MICU1: variants seen among roughly 807,000 people sequenced by gnomAD.
The protein encoded by MICU1 is calcium uptake protein 1, mitochondrial.
In MICU1, 45 loss-of-function variants were observed where a neutral mutation model predicts 56.8. That is an observed-to-expected ratio of 0.79 (90% CI 0.62 to 1.02). The LOEUF (loss-of-function observed/expected upper bound fraction) is 1.02. MICU1 is among the 50% of genes least tolerant of loss of function. The pLI is 0.00. For synonymous variants in MICU1, 186 were observed against 195.1 expected (o/e 0.95, Z 0.39); for missense variants, 504 against 587.1 (o/e 0.86, Z 1.46).
intron 8 of MICU1, among the ~76,000 whole-genome samples, chr10:72,441,065 A>T (rs1864907349): frequency 6.6e-6 from 1 of 152,190 alleles, no homozygotes; most frequent in African/African-American, 2.4e-5. Flanking sequence ...TACCCAAAGG[A>T]TTATAAATCA....
intron 10 of MICU1, among the ~76,000 whole-genome samples, chr10:72,398,447 G>C (rs936942417): frequency 6.7e-6 from 1 of 150,024 alleles, no homozygotes; most frequent in Non-Finnish European, 1.5e-5. Flanking sequence ...GATCAGAGCA[G>C]AACTGAAAGA....
intron 8 of MICU1, among the ~76,000 whole-genome samples, chr10:72,448,262 C>T (rs1657177542): frequency 7.0e-6 from 1 of 142,940 alleles, no homozygotes; most frequent in South Asian, 2.2e-4. Flanking sequence ...GCAACCTCCG[C>T]CTCCTGGTTC....
At chr10:72,554,506 A>G (rs1330015053) in intron 3 of MICU1, among the ~76,000 whole-genome samples, 1 of 152,226 alleles carries the variant, frequency 6.6e-6, no homozygotes, top group African/African-American at 2.4e-5. Context: ...AGGCTCTAGG[A>G]AACTTTATGG....
intron 6 of MICU1, among the ~76,000 whole-genome samples, chr10:72,494,282 C>G (rs1866763669): frequency 6.6e-6 from 1 of 152,120 alleles, no homozygotes; most frequent in Non-Finnish European, 1.5e-5. Context: ...GGTCCATAGA[C>G]AGTCAAAGGG....
intron 10 of MICU1, chr10:72,379,448 T>G: frequency 3.4e-6 from 1 of 292,700 alleles, no homozygotes; most frequent in Non-Finnish European, 7.0e-6. Context: ...TTCCTTTTTC[T>G]GCATTTCACA....
intron 8 of MICU1, among the ~76,000 whole-genome samples, chr10:72,428,377 G>A (rs992634450): frequency 1.4e-4 from 22 of 152,134 alleles, no homozygotes; most frequent in Non-Finnish European, 2.4e-4. Context: ...GTGCAATGGC[G>A]CGATCTCCAC....
At chr10:72,432,079 T>C (rs1346229115) in intron 8 of MICU1, among the ~76,000 whole-genome samples, 2 of 147,822 alleles carry the variant, frequency 1.4e-5, no homozygotes, top group East Asian at 1.9e-4. Context: ...TTTTTGTTAA[T>C]GTATTGCCTT....
chr10:72,586,067 T>G (rs1037763222), intron 1 of MICU1, among the ~76,000 whole-genome samples: 3 of 129,742 alleles, frequency 2.3e-5, no homozygotes, highest in African/African-American at 8.7e-5. Flanking sequence ...TGGGCTGGAG[T>G]GCAATGGCAT....
chr10:72,555,041 C>A (rs559488340), intron 3 of MICU1, among the ~76,000 whole-genome samples: 9 of 151,826 alleles, frequency 5.9e-5, no homozygotes, highest in African/African-American at 1.9e-4. Context: ...TACAAAAAAA[C>A]CCAAAACAAA....
chr10:72,476,403 T>A (rs1248020980), intron 7 of MICU1, among the ~76,000 whole-genome samples: 1 of 151,836 alleles, frequency 6.6e-6, no homozygotes, highest in Non-Finnish European at 1.5e-5. Flanking sequence ...TAATTTTTTT[T>A]CCCCCTGTAG....
intron 1 of MICU1, among the ~76,000 whole-genome samples, chr10:72,606,332 T>C (rs1336424812): frequency 6.6e-6 from 1 of 151,550 alleles, no homozygotes; most frequent in East Asian, 1.9e-4. Context: ...GCCAACACAG[T>C]GAAACCCCGT....
At chr10:72,392,322 G>C (rs1863104170) in intron 10 of MICU1, among the ~76,000 whole-genome samples, 1 of 152,108 alleles carries the variant, frequency 6.6e-6, no homozygotes, top group South Asian at 2.1e-4. Context: ...TGTAATCCTA[G>C]CACTTTGGGA....
intron 9 of MICU1, 135 bp downstream of exon 9, chr10:72,423,099 C>T (rs1864230259): frequency 2.5e-6 from 3 of 1,190,826 alleles, no homozygotes; most frequent in Admixed American, 2.7e-5. Flanking sequence ...TCCCTACGGA[C>T]CTCAGGTACC....
chr10:72,447,687 T>C (rs1012278944), intron 8 of MICU1, among the ~76,000 whole-genome samples: 37 of 151,878 alleles, frequency 2.4e-4, no homozygotes, highest in African/African-American at 8.9e-4. Context: ...AAAAAAGATA[T>C]GAAAAAATCA....
At chr10:72,530,335 A>AAATAAT (rs372087915) in intron 5 of MICU1, among the ~76,000 whole-genome samples, 1,073 of 64,910 alleles carry the variant, frequency 0.017, 13 homozygotes, top group South Asian at 0.031. Flanking sequence ...CTCCATATCA[A>AAATAAT]AATAATAATA....
chr10:72,456,001 C>T (rs1285219996), intron 8 of MICU1, among the ~76,000 whole-genome samples: 1 of 152,108 alleles, frequency 6.6e-6, no homozygotes, highest in African/African-American at 2.4e-5. Flanking sequence ...TGGAATACTA[C>T]TAGGAAGCAA....
chr10:72,512,683 T>TTTTTGTTTTGTTTTGTTTTG (rs139345007), intron 5 of MICU1, among the ~76,000 whole-genome samples: 165 of 148,062 alleles, frequency 1.1e-3, no homozygotes, highest in African/African-American at 3.2e-3. Context: ...ATGTTTTTGG[T>TTTTTGTTTTGTTTTGTTTTG]TTTTGTTTTG....
At chr10:72,446,891 C>T (rs1865122547) in intron 8 of MICU1, among the ~76,000 whole-genome samples, 1 of 152,114 alleles carries the variant, frequency 6.6e-6, no homozygotes, top group African/African-American at 2.4e-5. Context: ...GTCACACTTG[C>T]TTCTGTTAAC....
chr10:72,496,302 T>A (rs1369838490), intron 6 of MICU1, among the ~76,000 whole-genome samples: 2 of 129,854 alleles, frequency 1.5e-5, no homozygotes. Context: ...GCTAATTCCT[T>A]TTTTTTTTTT....
Sources: gnomAD v4.1 joint callset for allele counts (sites outside exome capture counted in the v4.1 genomes callset) on GRCh38, gnomAD v4.1.1 for gene constraint, MANE v1.5 for transcripts, NCBI Gene and HGNC (gene_info 2026-07-23, HGNC 2026-07-21) for gene names.